AKAP19: variants seen among roughly 807,000 people sequenced by gnomAD.
AKAP19 encodes small A-kinase anchoring protein.
chr2:190,045,919 C>T, the AKAP19 span, among the ~76,000 whole-genome samples: 1 of 152,090 alleles, frequency 6.6e-6, no homozygotes. Context: ...CCGTGTCTGT[C>T]AGACTGAAGG....
the AKAP19 span, among the ~76,000 whole-genome samples, chr2:190,008,761 CACACACA>C: frequency 8.2e-6 from 1 of 121,858 alleles, no homozygotes; most frequent in African/African-American, 2.6e-5. Context: ...CACACACACA[CACACACA>C]CACCCACCTG....
the AKAP19 span, among the ~76,000 whole-genome samples, chr2:190,141,492 G>A: frequency 1.3e-5 from 2 of 152,186 alleles, no homozygotes; most frequent in African/African-American, 4.8e-5. Context: ...GGTGGAAGGA[G>A]AAGCAAACAC....
the AKAP19 span, among the ~76,000 whole-genome samples, chr2:190,086,960 G>A: frequency 2.6e-5 from 4 of 152,110 alleles, no homozygotes; most frequent in South Asian, 8.3e-4. Context: ...CCCTTCTAGT[G>A]TTTCCTGGAA....
chr2:189,959,427 A>G, the AKAP19 span, among the ~76,000 whole-genome samples: 2 of 152,200 alleles, frequency 1.3e-5, no homozygotes, highest in African/African-American at 4.8e-5. Context: ...ATTCTTTGCC[A>G]TAATTCTTAA....
the AKAP19 span, among the ~76,000 whole-genome samples, chr2:190,098,369 A>AC: frequency 1.3e-5 from 2 of 152,182 alleles, no homozygotes; most frequent in Non-Finnish European, 2.9e-5. Context: ...GAAGATGTAC[A>AC]CCAATGCTCT....
chr2:189,980,738 T>C, the AKAP19 span, among the ~76,000 whole-genome samples: 1 of 152,360 alleles, frequency 6.6e-6, no homozygotes, highest in East Asian at 1.9e-4. Context: ...TCCAGGGTCT[T>C]CTGGAAATCT....
At chr2:190,200,665 AATAAG>A in the AKAP19 span, 544 of 170,682 alleles carry the variant, frequency 3.2e-3, 17 homozygotes, top group East Asian at 0.074. Flanking sequence ...CCCTGTCTTT[AATAAG>A]ATAAGATATT....
the AKAP19 span, among the ~76,000 whole-genome samples, chr2:190,141,556 C>T: frequency 6.6e-6 from 1 of 152,098 alleles, no homozygotes; most frequent in Non-Finnish European, 1.5e-5. Flanking sequence ...GAGGGAAAAG[C>T]CCCGTGTAAA....
At chr2:190,148,595 T>C in the AKAP19 span, among the ~76,000 whole-genome samples, 1 of 152,218 alleles carries the variant, frequency 6.6e-6, no homozygotes, top group African/African-American at 2.4e-5. Flanking sequence ...CAATTCTCCT[T>C]TGAATGTCTG....
chr2:189,898,087 C>T, the AKAP19 span, among the ~76,000 whole-genome samples: 2 of 151,858 alleles, frequency 1.3e-5, no homozygotes, highest in African/African-American at 4.8e-5. Flanking sequence ...CACACATGTA[C>T]TCAGAAGGCT....
At chr2:190,152,330 C>T in the AKAP19 span, among the ~76,000 whole-genome samples, 1 of 152,150 alleles carries the variant, frequency 6.6e-6, no homozygotes, top group Non-Finnish European at 1.5e-5. Context: ...GAGTACAGAA[C>T]TGGCTTTCTT....
chr2:190,098,845 C>T, the AKAP19 span, among the ~76,000 whole-genome samples: 1 of 152,228 alleles, frequency 6.6e-6, no homozygotes, highest in Non-Finnish European at 1.5e-5. Flanking sequence ...TCCATATCAG[C>T]ACTTGCTGAT....
chr2:189,891,878 G>T, the AKAP19 span, among the ~76,000 whole-genome samples: 1 of 152,168 alleles, frequency 6.6e-6, no homozygotes, highest in South Asian at 2.1e-4. Context: ...CTGATCAAAT[G>T]TAGATTTGGT....
chr2:189,917,819 A>G, the AKAP19 span: 2 of 153,310 alleles, frequency 1.3e-5, no homozygotes, highest in African/African-American at 4.8e-5. Flanking sequence ...ATTTAATGTA[A>G]TTATGGGCTT....
At chr2:190,103,172 C>T in the AKAP19 span, among the ~76,000 whole-genome samples, 1 of 152,000 alleles carries the variant, frequency 6.6e-6, no homozygotes, top group Non-Finnish European at 1.5e-5. Context: ...AGCAAACTAC[C>T]CATGAAAGGA....
the AKAP19 span, among the ~76,000 whole-genome samples, chr2:189,975,971 C>T: frequency 6.6e-6 from 1 of 152,214 alleles, no homozygotes; most frequent in South Asian, 2.1e-4. Context: ...CTGAAGCCCT[C>T]TTCTCTCAAC....
the AKAP19 span, among the ~76,000 whole-genome samples, chr2:190,183,990 C>G: frequency 1.3e-5 from 2 of 151,956 alleles, no homozygotes; most frequent in Non-Finnish European, 2.9e-5. Flanking sequence ...ACTATACTTT[C>G]CATATAGTAA....
chr2:190,199,002 G>T, the AKAP19 span, among the ~76,000 whole-genome samples: 1 of 152,176 alleles, frequency 6.6e-6, no homozygotes, highest in Non-Finnish European at 1.5e-5. Context: ...ACAGTCAATA[G>T]GTGGCTTTGC....
At chr2:189,990,567 T>A in the AKAP19 span, among the ~76,000 whole-genome samples, 7 of 152,202 alleles carry the variant, frequency 4.6e-5, no homozygotes, top group Non-Finnish European at 8.8e-5. Flanking sequence ...GGAATATTTA[T>A]CTCTATTTTC....
Sources: gnomAD v4.1 joint callset for allele counts (sites outside exome capture counted in the v4.1 genomes callset) on GRCh38, gnomAD v4.1.1 for gene constraint, MANE v1.5 for transcripts, NCBI Gene and HGNC (gene_info 2026-07-23, HGNC 2026-07-21) for gene names.